CPAMD8: variants seen among roughly 807,000 people sequenced by gnomAD.
CPAMD8 encodes the protein C3 and PZP like alpha-2-macroglobulin domain containing 8, also known as C3 and PZP-like alpha-2-macroglobulin domain-containing protein 8.
In CPAMD8, 146 loss-of-function variants were observed where a neutral mutation model predicts 224.7. The ratio of observed to expected loss-of-function variants is 0.65; its 90% CI spans 0.57 to 0.75. CPAMD8 has a LOEUF of 0.75. Among genes scored for constraint, CPAMD8 ranks in the 30% least tolerant of loss-of-function variants. The pLI is 0.00. For synonymous variants in CPAMD8, 966 were observed against 1,044.6 expected, an observed-to-expected ratio of 0.92 and a Z score of 1.45; for missense variants, 2,301 against 2,537.5, an observed-to-expected ratio of 0.91 and a Z score of 2.00.
At chr19:16,914,316 A>T in intron 29 of CPAMD8, 108 bp downstream of exon 29, 1 of 831,840 alleles carries the variant, frequency 1.2e-6, no homozygotes, top group Non-Finnish European at 2.0e-6. Context: ...GATAATGAGC[A>T]GAAGGAGGGC....
chr19:16,963,058 G>C (rs1310933092), intron 18 of CPAMD8, among the ~76,000 whole-genome samples: 1 of 152,156 alleles, frequency 6.6e-6, no homozygotes, highest in Non-Finnish European at 1.5e-5. Flanking sequence ...AACATAGAAA[G>C]GAACAACCAG....
At chr19:16,959,860 A>G (rs188862723) in intron 18 of CPAMD8, among the ~76,000 whole-genome samples, 19 of 152,222 alleles carry the variant, frequency 1.2e-4, no homozygotes, top group Admixed American at 3.9e-4. Flanking sequence ...CTTCTTTGAA[A>G]AGTGTCTGCT....
In CPAMD8 at chr19:16,938,380, G is replaced by T; in HGVS notation, c.2845+15C>A. On this transcript the variant is annotated intron_variant, in intron 23 of 41. Transcript: ENST00000443236. ...AGGTGGCCACACCTTAGCAGAATGGGCACGGGGGACTCACCACTGGGACAG... is the reference window on the plus strand; with the variant it reads ...AGGTGGCCACACCTTAGCAGAATGGTCACGGGGGACTCACCACTGGGACAG... The T allele has an allele frequency of 6.6e-7, 1 of 1,511,892 alleles. No homozygotes were observed. Among genetic ancestry groups the T allele is most frequent in the Non-Finnish European group, 8.9e-7 (1 of 1,122,192 alleles). The allele number at this position is 1,511,892 out of a possible 1,614,324, so 93.7% of individuals were successfully genotyped here. A position where few individuals can be genotyped will look rare whatever the true frequency, so the allele number is the denominator to read the frequency against.
At chr19:16,956,311 T>C (rs1378824199) in intron 19 of CPAMD8, among the ~76,000 whole-genome samples, 1 of 152,190 alleles carries the variant, frequency 6.6e-6, no homozygotes, top group East Asian at 1.9e-4. Flanking sequence ...TCTTGCTTAT[T>C]CATATGGTGG....
intron 23 of CPAMD8, among the ~76,000 whole-genome samples, chr19:16,931,559 G>T (rs2053546688): frequency 1.3e-5 from 2 of 152,184 alleles, no homozygotes; most frequent in Admixed American, 6.5e-5. Flanking sequence ...AGGGGCTCAA[G>T]AACCTATCCA....
Position 16,989,632 on chromosome 19 carries a change from G to A in CPAMD8, c.1395+11C>T. Reference sequence around the variant, plus strand: ...GCATGGCCCAGGAAGGGTAGCTCCTGAAAATCTTACCTGCAGTGGGTGGGA... The same window carrying A: ...GCATGGCCCAGGAAGGGTAGCTCCTAAAAATCTTACCTGCAGTGGGTGGGA... On this transcript the variant is annotated intron_variant, in intron 13 of 41. Transcript: ENST00000443236. 6.2e-7 allele frequency: 1 copy of A among 1,612,476 alleles called. No homozygotes were observed. Among genetic ancestry groups the A allele is most frequent in the Non-Finnish European group, 8.5e-7 (1 of 1,178,960 alleles).
At chr19:16,909,538 C>T (rs2052645850) in intron 29 of CPAMD8, among the ~76,000 whole-genome samples, 1 of 151,598 alleles carries the variant, frequency 6.6e-6, no homozygotes, top group Non-Finnish European at 1.5e-5. Context: ...AGCGAGACTC[C>T]ATCTCAAAAA....
intron 7 of CPAMD8, among the ~76,000 whole-genome samples, chr19:17,006,991 G>A (rs1379468165): frequency 1.3e-5 from 2 of 152,158 alleles, no homozygotes; most frequent in Non-Finnish European, 2.9e-5. Context: ...CAGCAATCAA[G>A]GGAACGAGAG....
intron 18 of CPAMD8, among the ~76,000 whole-genome samples, chr19:16,965,091 T>C (rs2054784496): frequency 5.3e-5 from 8 of 151,998 alleles, no homozygotes; most frequent in Admixed American, 5.3e-4. Context: ...ATACCCTGTC[T>C]CTACTAAAAA....
chr19:16,957,961 A>G (rs1408252900), intron 18 of CPAMD8, 46 bp from the exon 19 acceptor site: 2 of 1,556,126 alleles, frequency 1.3e-6, no homozygotes, highest in East Asian at 4.5e-5. Flanking sequence ...TGAACATAAC[A>G]AATCTTATGT....
Position 16,945,371 on chromosome 19 carries a change from C to A in CPAMD8, c.2793+178G>T, listed in dbSNP as rs147566249. On this transcript the variant is annotated intron_variant, in intron 22 of 41. Transcript: ENST00000443236. ...TGCGCTTTAGGGAGGGAACGGACTA[C>A]CATGATCCTCTAACAAGGAAGTACC... is the stretch of plus-strand genomic sequence containing the variant. Among the ~76,000 whole-genome samples the A allele has an allele frequency of 6.0e-4, 91 of 152,286 alleles. No individual in the cohort carries two copies. The Middle Eastern group carries it at 0.01, about 17-fold the overall frequency.
At position 16,904,215 on chromosome 19, in the gene CPAMD8, G is replaced by A; in HGVS notation, c.4251+11C>T. On this transcript the variant is annotated intron_variant, in intron 32 of 41. Coordinates refer to ENST00000443236, the MANE Select transcript of CPAMD8 (RefSeq NM_015692.5). ...GCCCTGAGCCCCTCCCTCTGGCCCT[G>A]CCCGGCTCGCCTGAGTGGAGGAGAA... 1 of 1,214,258 alleles carries A rather than the reference G, an allele frequency of 8.2e-7. No homozygotes were observed. The highest frequency in any genetic ancestry group is 1.2e-5 in the South Asian group (1 of 82,478). 75.2% of individuals were successfully genotyped at this position (1,214,258 alleles called of 1,614,324 possible). A position where few individuals can be genotyped will look rare whatever the true frequency, so the allele number is the denominator to read the frequency against.
chr19:16,985,223 T>C lies in CPAMD8; in HGVS notation c.1395+4420A>G, dbSNP rs143441634. 1.1e-4 allele frequency among the ~76,000 whole-genome samples: 17 copies of C among 152,088 alleles called. No homozygotes were observed. The East Asian group carries it at 2.9e-3, about 26-fold the overall frequency. On this transcript the variant is annotated intron_variant, in intron 13 of 41. Transcript: ENST00000443236. Reference sequence around the variant, plus strand: ...ATAGATGGATGCGTGAATTGGCAGATGGATGGATGGATGAAGGGAGGGATA... The same window carrying C: ...ATAGATGGATGCGTGAATTGGCAGACGGATGGATGGATGAAGGGAGGGATA...
In CPAMD8 at chr19:17,026,584, CG is replaced by C; in HGVS notation, c.58del (p.Arg20GlyfsTer15). ...LPLLLLLLSARDGVRAAQPQA... is the reference protein window; with the variant it reads ...LPLLLLLLSAXDGVRAAQPQA... The stretch of plus-strand genomic sequence containing the variant: ...AGGCTGCGCGGCGCGCACGCCGTCC[CG>C]CGCCGACAGCAGCAGGAGCAGGAGC... On this transcript the variant is annotated frameshift_variant, in exon 1 of 42. Coordinates refer to ENST00000443236, the MANE Select transcript of CPAMD8 (RefSeq NM_015692.5). LOFTEE classifies it high-confidence loss of function. 6.5e-7 allele frequency: 1 copy of C among 1,527,796 alleles called. No individual in the cohort carries two copies. Among genetic ancestry groups the C allele is most frequent in the Non-Finnish European group, 8.7e-7 (1 of 1,146,648 alleles). 94.6% of individuals were successfully genotyped at this position (1,527,796 alleles called of 1,614,324 possible).
intron 14 of CPAMD8, among the ~76,000 whole-genome samples, chr19:16,979,963 A>G (rs1051423102): frequency 6.6e-6 from 1 of 152,150 alleles, no homozygotes; most frequent in Non-Finnish European, 1.5e-5. Flanking sequence ...TACTACTGGC[A>G]TCTGGTGGGG....
intron 12 of CPAMD8, among the ~76,000 whole-genome samples, chr19:16,992,635 A>G (rs1022176207): frequency 6.6e-6 from 1 of 151,720 alleles, no homozygotes; most frequent in African/African-American, 2.4e-5. Context: ...TATTTTTAGT[A>G]GAGATGGGGT....
intron 1 of CPAMD8, 85 bp from the exon 2 acceptor site, chr19:17,022,266 C>T (rs1426375899): frequency 1.4e-6 from 2 of 1,459,008 alleles, no homozygotes; most frequent in Non-Finnish European, 1.9e-6. Flanking sequence ...GCTCTCCTCG[C>T]AGCAGACTCC....
chr19:16,976,285 G>A lies in CPAMD8; in HGVS notation c.1759-134C>T, dbSNP rs561350488. 105 of 593,306 alleles carry A rather than the reference G, an allele frequency of 1.8e-4. No homozygotes were observed. The South Asian group carries it at 2.2e-3, about 13-fold the overall frequency. 36.8% of individuals were successfully genotyped at this position (593,306 alleles called of 1,614,324 possible). Reference sequence around the variant, plus strand: ...GAGGTCAAGAGTTCGAGACCAGCCTGGCCAACATGGTGAAACCCCATCTCT... The same window carrying A: ...GAGGTCAAGAGTTCGAGACCAGCCTAGCCAACATGGTGAAACCCCATCTCT... On this transcript the variant is annotated intron_variant, in intron 15 of 41. Coordinates refer to ENST00000443236, the MANE Select transcript of CPAMD8 (RefSeq NM_015692.5).
intron 22 of CPAMD8, among the ~76,000 whole-genome samples, chr19:16,939,192 T>A (rs1335164182): frequency 1.2e-5 from 1 of 83,414 alleles, no homozygotes; most frequent in Admixed American, 1.2e-4. Context: ...TTTATTTATC[T>A]ATCTATCTAT....
Sources: gnomAD v4.1 joint callset for allele counts (sites outside exome capture counted in the v4.1 genomes callset) on GRCh38, gnomAD v4.1.1 for gene constraint, MANE v1.5 for transcripts, NCBI Gene and HGNC (gene_info 2026-07-23, HGNC 2026-07-21) for gene names.